The following GREB1L variants were observed in gnomAD, a reference collection of about 807,000 sequenced individuals.
GREB1L encodes GREB1 like retinoic acid receptor coactivator.
GREB1L carries 17 observed loss-of-function variants against 200.8 expected under a neutral mutation model. The observed-to-expected ratio is 0.08, with a 90% CI of 0.06 to 0.13. GREB1L has a LOEUF of 0.13. Ranked by LOEUF, GREB1L falls within the 10% of genes least tolerant of loss-of-function variation. The pLI, the probability that GREB1L is intolerant of heterozygous loss-of-function variation, is 1.00. For missense variants in GREB1L, 1,657 were observed against 2,367.7 expected, an observed-to-expected ratio of 0.70 and a Z score of 6.23; for synonymous variants, 789 against 893.0, an observed-to-expected ratio of 0.88 and a Z score of 2.08.
chr18:21,518,189 G>A lies in GREB1L; in HGVS notation c.5427G>A (p.Arg1809=), dbSNP rs2037489616. Residue 1809 remains arginine (R), a synonymous_variant, in exon 31 of 33, where the codon AGG becomes AGA. Transcript: ENST00000424526. The part of the protein sequence containing the change: ...KLFPKAIHNF[R]SPVLAIDCYL... ...TCCCCAAAGCCATCCATAACTTCAG[G>A]AGTCCTGTGCTGGCCATTGACTGCT... is the stretch of plus-strand genomic sequence containing the variant. 1.3e-6 allele frequency: 2 copies of A among 1,551,610 alleles called. No homozygotes were observed. The highest frequency in any genetic ancestry group is 1.7e-6 in the Non-Finnish European group (2 of 1,146,992).
In GREB1L at chr18:21,490,023, T is replaced by C. The variant is rs1380902555; in HGVS notation, c.2702T>C (p.Leu901Pro). ...GTTTTCTGTTGAAGGTACCCCAGGCTGCACAGCATGGTCGTCCGCTGCTAT... is the reference window on the plus strand; with the variant it reads ...GTTTTCTGTTGAAGGTACCCCAGGCCGCACAGCATGGTCGTCCGCTGCTAT... ...VNTLLERYPR[L>P]HSMVVRCYLL... Residue 901 changes from leucine to proline, a missense_variant, in exon 19 of 33, where the codon CTG (leucine) becomes CCG (proline). Physicochemically the swap from Leu to Pro is moderately conservative, Grantham distance 98. Transcript: ENST00000424526. 2 of 1,551,278 alleles carry C rather than the reference T, an allele frequency of 1.3e-6. No individual in the cohort carries two copies. The highest frequency in any genetic ancestry group is 1.7e-6 in the Non-Finnish European group (2 of 1,146,804).
intron 1 of GREB1L, among the ~76,000 whole-genome samples, chr18:21,317,214 C>CAATTGATT (rs2038884441): frequency 6.7e-6 from 1 of 150,114 alleles, no homozygotes; most frequent in Admixed American, 6.6e-5. Flanking sequence ...CTCTAAAAAT[C>CAATTGATT]AATCAATGGA....
intron 23 of GREB1L, among the ~76,000 whole-genome samples, chr18:21,501,968 G>A (rs145977327): frequency 3.9e-5 from 6 of 152,252 alleles, no homozygotes; most frequent in Non-Finnish European, 5.9e-5. Context: ...AGTGTGGCTC[G>A]GCTCGGCACT....
chr18:21,349,260 C>T (rs1326425851), intron 1 of GREB1L, among the ~76,000 whole-genome samples: 4 of 151,830 alleles, frequency 2.6e-5, no homozygotes, highest in Non-Finnish European at 2.9e-5. Context: ...TGGCTTTTTC[C>T]TGCTTCTAGA....
intron 17 of GREB1L, among the ~76,000 whole-genome samples, chr18:21,477,602 C>T (rs1251316501): frequency 1.3e-5 from 2 of 151,966 alleles, no homozygotes; most frequent in Admixed American, 1.3e-4. Context: ...CTGGCTAACA[C>T]GGTGAAACCC....
At chr18:21,462,351 T>G (rs1399862309) in intron 15 of GREB1L, among the ~76,000 whole-genome samples, 1 of 152,252 alleles carries the variant, frequency 6.6e-6, no homozygotes, top group African/African-American at 2.4e-5. Context: ...TTCTGACATT[T>G]TCAGATTCCT....
In GREB1L at chr18:21,522,674, C is replaced by G; in HGVS notation, c.5625C>G (p.Val1875=). ...FKFLKGATLC[V]ICQDRSSLRQ... ...TTCCTGAAGGTGCTACACTGTGTGTCATCTGCCAAGACAGAAGTTCCTTGC... is the reference window on the plus strand; with the variant it reads ...TTCCTGAAGGTGCTACACTGTGTGTGATCTGCCAAGACAGAAGTTCCTTGC... The change falls in exon 33 of 33, where the codon GTC becomes GTG. Residue 1875 remains valine (V), a synonymous_variant. Transcript: ENST00000424526. 1 of 1,551,552 alleles carries G rather than the reference C, an allele frequency of 6.4e-7. No individual in the cohort carries two copies. Among genetic ancestry groups the G allele is most frequent in the Non-Finnish European group, 8.7e-7 (1 of 1,146,936 alleles).
chr18:21,293,283 A>G (rs1435740604), intron 1 of GREB1L, among the ~76,000 whole-genome samples: 1 of 152,248 alleles, frequency 6.6e-6, no homozygotes, highest in Non-Finnish European at 1.5e-5. Flanking sequence ...TTAAGGAGCA[A>G]GTAGACTTGG....
intron 17 of GREB1L, among the ~76,000 whole-genome samples, chr18:21,480,211 T>A (rs376927908): frequency 1.2e-4 from 19 of 152,074 alleles, no homozygotes; most frequent in African/African-American, 4.6e-4. Flanking sequence ...ATTAGCTGGG[T>A]GTGGTGGCAG....
At chr18:21,513,685 C>G in intron 27 of GREB1L, 136 bp from the exon 28 acceptor site, 3 of 724,918 alleles carry the variant, frequency 4.1e-6, no homozygotes, top group Non-Finnish European at 6.9e-6. Context: ...CTGCTCTGAA[C>G]ATTTGGTTGG....
intron 17 of GREB1L, among the ~76,000 whole-genome samples, chr18:21,484,554 C>T (rs1342897197): frequency 2.6e-5 from 4 of 152,282 alleles, no homozygotes; most frequent in South Asian, 2.1e-4. Context: ...CAGTAGCTTA[C>T]GCCTGTAATC....
At chr18:21,315,184 G>A (rs1484211239) in intron 1 of GREB1L, among the ~76,000 whole-genome samples, 1 of 152,032 alleles carries the variant, frequency 6.6e-6, no homozygotes, top group African/African-American at 2.4e-5. Context: ...CAAACTCCAG[G>A]GCTCAAGCAA....
intron 1 of GREB1L, among the ~76,000 whole-genome samples, chr18:21,356,075 C>G (rs765533153): frequency 9.3e-5 from 14 of 150,340 alleles, no homozygotes; most frequent in Non-Finnish European, 1.8e-4. Context: ...CAAGCTCCAC[C>G]TCCCGGGTTC....
intron 7 of GREB1L, among the ~76,000 whole-genome samples, chr18:21,411,639 A>T (rs2031025269): frequency 6.6e-6 from 1 of 152,066 alleles, no homozygotes; most frequent in Non-Finnish European, 1.5e-5. Context: ...TGATCCAGCT[A>T]CTCCATTCTA....
Position 21,440,306 on chromosome 18 carries a change from C to T in GREB1L, c.987C>T (p.His329=). The T allele has an allele frequency of 6.4e-7, 1 of 1,551,646 alleles. No homozygotes were observed. Among genetic ancestry groups the T allele is most frequent in the Non-Finnish European group, 8.7e-7 (1 of 1,146,924 alleles). ...TTTCTGGGCCACCAAAGAAACGACA[C>T]CGGGGATGGTATCCTGGGTCACCTC... is the stretch of plus-strand genomic sequence containing the variant. The part of the protein sequence containing the change: ...MFISGPPKKR[H]RGWYPGSPLP... Residue 329 remains histidine, a synonymous_variant, in exon 9 of 33, where the codon CAC becomes CAT. Coordinates refer to ENST00000424526, the MANE Select transcript of GREB1L (RefSeq NM_001142966.3).
intron 16 of GREB1L, among the ~76,000 whole-genome samples, 157 bp from the exon 17 acceptor site, chr18:21,477,007 T>G (rs1293665721): frequency 6.6e-6 from 1 of 152,226 alleles, no homozygotes; most frequent in Non-Finnish European, 1.5e-5. Context: ...ATGTAAATTT[T>G]TTTTCCTTTC....
At chr18:21,471,001 G>A (rs1383954557) in intron 15 of GREB1L, among the ~76,000 whole-genome samples, 1 of 152,198 alleles carries the variant, frequency 6.6e-6, no homozygotes, top group Non-Finnish European at 1.5e-5. Flanking sequence ...TGTGCCTGCT[G>A]AGGACAGAGC....
At chr18:21,515,375 C>G in intron 28 of GREB1L, 42 bp from the exon 29 acceptor site, 1 of 1,336,964 alleles carries the variant, frequency 7.5e-7, no homozygotes, top group Non-Finnish European at 1.0e-6. Context: ...ATCCTCTCTT[C>G]TGTAATATTT....
chr18:21,253,252 T>A (rs1286642245), intron 1 of GREB1L, among the ~76,000 whole-genome samples: 1 of 144,984 alleles, frequency 6.9e-6, no homozygotes, highest in African/African-American at 2.7e-5. Context: ...TTCAAGAATT[T>A]TTTTTTTTTT....
Sources: gnomAD v4.1 joint callset for allele counts (sites outside exome capture counted in the v4.1 genomes callset) on GRCh38, gnomAD v4.1.1 for gene constraint, MANE v1.5 for transcripts, NCBI Gene and HGNC (gene_info 2026-07-23, HGNC 2026-07-21) for gene names.